Variants in C11orf65 observed in about 807,000 individuals in gnomAD.
The protein encoded by C11orf65 is chromosome 11 open reading frame 65.
Under a neutral mutation model 35.3 loss-of-function variants are expected in C11orf65, and 38 were observed. That is an observed-to-expected ratio of 1.08 (90% CI 0.83 to 1.41). The LOEUF is 1.41. C11orf65 is among the 40% of genes most tolerant of loss of function. The pLI is 0.00. For missense variants in C11orf65, 370 were observed against 367.1 expected, an observed-to-expected ratio of 1.01 and a Z score of -0.06; for synonymous variants, 105 against 114.4, an observed-to-expected ratio of 0.92 and a Z score of 0.53.
chr11:108,342,189 A>G (rs1395775500), intron 2 of C11orf65, among the ~76,000 whole-genome samples: 1 of 152,194 alleles, frequency 6.6e-6, no homozygotes, highest in African/African-American at 2.4e-5. Context: ...AGGGAATCCA[A>G]AAGATTGGAC....
upstream of C11orf65, among the ~76,000 whole-genome samples, chr11:108,469,284 A>G (rs1015095570): frequency 1.3e-5 from 2 of 151,916 alleles, no homozygotes; most frequent in Admixed American, 6.6e-5. Flanking sequence ...GAATTGTACA[A>G]TTGAAACTAG....
Position 108,324,970 on chromosome 11 carries a change from G to A in C11orf65, c.641-15899C>T, listed in dbSNP as rs186595470. Among the ~76,000 whole-genome samples the A allele has an allele frequency of 2.6e-5, 4 of 152,242 alleles. No individual in the cohort carries two copies. In the East Asian group the frequency reaches 7.7e-4, roughly 29 times the overall value. ...GCAGTATTGAAGCAGGACTAAAGAT[G>A]GAGGCATTCTTTATGATAGGTCTGA... On this transcript the variant is annotated intron_variant, in intron 6 of 6. Transcript: ENST00000525729.
At chr11:108,399,887 T>C (rs926756222) in intron 6 of C11orf65, among the ~76,000 whole-genome samples, 2 of 152,190 alleles carry the variant, frequency 1.3e-5, no homozygotes, top group Non-Finnish European at 2.9e-5. Context: ...AAATGGAATA[T>C]AGCTTCTGGC....
At chr11:108,370,981 T>C (rs953984292) in intron 2 of C11orf65, among the ~76,000 whole-genome samples, 1 of 151,966 alleles carries the variant, frequency 6.6e-6, no homozygotes, top group African/African-American at 2.4e-5. Context: ...ATCAGGAAAA[T>C]AGGAAAGATA....
At chr11:108,452,328 C>T (rs1187777987) in intron 2 of C11orf65, among the ~76,000 whole-genome samples, 1 of 152,102 alleles carries the variant, frequency 6.6e-6, no homozygotes, top group Admixed American at 6.5e-5. Context: ...CAAACCACCC[C>T]ATCAAAAAGT....
chr11:108,315,093 A>G (rs622054), intron 6 of C11orf65, among the ~76,000 whole-genome samples: 2,136 of 152,358 alleles, frequency 0.014, 36 homozygotes, highest in Non-Finnish European at 0.02. Flanking sequence ...GTGAAAAAAT[A>G]CATGAGAACC....
At chr11:108,395,543 T>C (rs907934698) in intron 6 of C11orf65, among the ~76,000 whole-genome samples, 6 of 151,246 alleles carry the variant, frequency 4.0e-5, no homozygotes, top group Admixed American at 4.0e-4. Context: ...GGTCTCAAAC[T>C]CCTGACCTCG....
At chr11:108,458,996 A>G (rs2093439330) in intron 2 of C11orf65, among the ~76,000 whole-genome samples, 1 of 152,202 alleles carries the variant, frequency 6.6e-6, no homozygotes, top group African/African-American at 2.4e-5. Context: ...ATCTTTTGTT[A>G]GTATTCTGTC....
At chr11:108,371,966 A>G (rs1422442446) in intron 2 of C11orf65, among the ~76,000 whole-genome samples, 1 of 152,170 alleles carries the variant, frequency 6.6e-6, no homozygotes, top group Non-Finnish European at 1.5e-5. Context: ...AGCATTGTAT[A>G]TTTTACACAA....
Position 108,366,712 on chromosome 11 carries a change from C to G in C11orf65, c.226+26496G>C, listed in dbSNP as rs2091350922. ...AAATACTGATAGGAGATTTCCCAGG[C>G]CAAGGCAAACACACTTCCTCCTCAT... On this transcript the variant is annotated intron_variant, in intron 2 of 3. Transcript: ENST00000524755. 4.3e-6 allele frequency: 1 copy of G among 231,208 alleles called. No homozygotes were observed. 14.3% of individuals were successfully genotyped at this position (231,208 alleles called of 1,614,324 possible). A position where few individuals can be genotyped will look rare whatever the true frequency, so the allele number is the denominator to read the frequency against.
At chr11:108,332,154 A>C in intron 3 of C11orf65, 1 of 1,299,416 alleles carries the variant, frequency 7.7e-7, no homozygotes, top group Non-Finnish European at 1.1e-6. Flanking sequence ...CAAGGCTGGC[A>C]CGGTGGCTCA....
intron 1 of C11orf65, among the ~76,000 whole-genome samples, chr11:108,467,199 G>C (rs2093551073): frequency 1.3e-5 from 2 of 152,134 alleles, no homozygotes; most frequent in South Asian, 4.1e-4. Context: ...GAGCAGTAAG[G>C]ACTTGTCAAC....
intron 2 of C11orf65, among the ~76,000 whole-genome samples, chr11:108,446,931 G>A (rs1361032584): frequency 6.6e-6 from 1 of 152,132 alleles, no homozygotes. Flanking sequence ...TAAAAGGATG[G>A]AGGAAGATCT....
chr11:108,384,915 T>C (rs2091954442), intron 8 of C11orf65, among the ~76,000 whole-genome samples: 1 of 152,242 alleles, frequency 6.6e-6, no homozygotes, highest in Non-Finnish European at 1.5e-5. Flanking sequence ...TTGGCGTTTC[T>C]GGGGTCTGAT....
intron 1 of C11orf65, among the ~76,000 whole-genome samples, chr11:108,466,327 A>G (rs1565738112): frequency 6.6e-6 from 1 of 152,170 alleles, no homozygotes; most frequent in Non-Finnish European, 1.5e-5. Context: ...TAATCCTAAC[A>G]TTTTGGGAGG....
At chr11:108,443,716 A>G (rs1041644011) in intron 2 of C11orf65, among the ~76,000 whole-genome samples, 12 of 152,192 alleles carry the variant, frequency 7.9e-5, no homozygotes, top group Non-Finnish European at 1.6e-4. Flanking sequence ...CTCCTGAATG[A>G]CTACTGGGTA....
At chr11:108,386,597 CA>C (rs1399117992) in intron 7 of C11orf65, among the ~76,000 whole-genome samples, 1 of 152,158 alleles carries the variant, frequency 6.6e-6, no homozygotes, top group East Asian at 1.9e-4. Flanking sequence ...GGACAAGGTA[CA>C]ACCTTCTGTG....
chr11:108,424,268 T>C (rs942009583), intron 3 of C11orf65, among the ~76,000 whole-genome samples: 1 of 152,080 alleles, frequency 6.6e-6, no homozygotes, highest in Non-Finnish European at 1.5e-5. Context: ...TACACAAGTA[T>C]CAATAGCTGA....
chr11:108,440,961 T>G (rs1304860752), intron 2 of C11orf65, among the ~76,000 whole-genome samples: 4 of 152,134 alleles, frequency 2.6e-5, no homozygotes, highest in Non-Finnish European at 5.9e-5. Context: ...CGGGTTCATC[T>G]CACTGGGGCT....
Sources: allele counts gnomAD v4.1 joint callset (sites outside exome capture counted in the v4.1 genomes callset), GRCh38; gene constraint gnomAD v4.1.1; transcripts MANE v1.5; gene names NCBI Gene and HGNC (gene_info 2026-07-23, HGNC 2026-07-21).